DNAH5: variants seen among roughly 807,000 people sequenced by gnomAD.
DNAH5 encodes the protein axonemal beta dynein heavy chain 5.
A neutral mutation model predicts 518.2 loss-of-function variants in DNAH5; 372 were observed. The ratio of observed to expected loss-of-function variants is 0.72; its 90% confidence interval spans 0.66 to 0.78. DNAH5 has a LOEUF of 0.78. Among genes scored for constraint, DNAH5 ranks in the 30% least tolerant of loss-of-function variants. DNAH5 has a pLI of 0.00. For synonymous variants in DNAH5, 2,039 were observed against 2,025.9 expected (o/e 1.01, Z -0.17); for missense variants, 5,523 against 5,687.0 (o/e 0.97, Z 0.93).
chr5:13,729,580 A>T lies in DNAH5; in HGVS notation c.11762-20T>A, dbSNP rs746071988. 21 of 1,595,516 alleles carry T rather than the reference A, an allele frequency of 1.3e-5. No homozygotes were observed. The highest frequency in any genetic ancestry group is 1.8e-5 in the Non-Finnish European group (21 of 1,168,072). On this transcript the variant is annotated intron_variant, in intron 68 of 78. Coordinates refer to ENST00000265104, the MANE Select transcript of DNAH5 (RefSeq NM_001369.3). Reference sequence around the variant, plus strand: ...CACCTCCTTTAAAATTAAATATTAAATTATCAGATTTCCCTTCCTTCACTA... The same window carrying T: ...CACCTCCTTTAAAATTAAATATTAATTTATCAGATTTCCCTTCCTTCACTA...
At chr5:13,889,886 G>A (rs755430582) in intron 17 of DNAH5, among the ~76,000 whole-genome samples, 10 of 152,118 alleles carry the variant, frequency 6.6e-5, no homozygotes, top group Admixed American at 1.3e-4. Context: ...GCTGAGTTCC[G>A]TGAGTCCTCC....
intron 1 of DNAH5, among the ~76,000 whole-genome samples, chr5:13,940,527 C>A (rs918078195): frequency 6.6e-6 from 1 of 152,132 alleles, no homozygotes; most frequent in African/African-American, 2.4e-5. Context: ...TCATTGGAAT[C>A]ATTGGAGAGC....
intron 1 of DNAH5, among the ~76,000 whole-genome samples, chr5:13,937,482 A>G (rs1779034568): frequency 6.6e-6 from 1 of 151,550 alleles, no homozygotes; most frequent in African/African-American, 2.4e-5. Context: ...TCTACTCCTG[A>G]AAGTGTCTCG....
intron 78 of DNAH5, among the ~76,000 whole-genome samples, chr5:13,692,908 C>A (rs553275506): frequency 3.9e-5 from 6 of 152,124 alleles, no homozygotes; most frequent in Non-Finnish European, 8.8e-5. Context: ...TAAACTTATA[C>A]AATTCATGAG....
At chr5:13,721,366 A>T in intron 70 of DNAH5, 121 bp from the exon 71 acceptor site, 2 of 1,167,648 alleles carry the variant, frequency 1.7e-6, no homozygotes, top group Non-Finnish European at 2.5e-6. Context: ...TAACCCTGTC[A>T]GGCAAACAGG....
Position 13,931,132 on chromosome 5 carries a change from T to C in DNAH5, c.170A>G (p.Asp57Gly), listed in dbSNP as rs1047218300. Residue 57 changes from aspartate to glycine, a missense_variant, in exon 2 of 79, where the codon GAT becomes GGT. By Grantham distance (94) the Asp-to-Gly change is moderately conservative. Coordinates refer to ENST00000265104, the MANE Select transcript of DNAH5 (RefSeq NM_001369.3). ...CLDLNKTEVE[D>G]AILEGNQIER... ...CACCTGATTCCCTTCAAGAATGGCA[T>C]CCTCCACTTCGGTTTTGTTCAGGTC... is the stretch of plus-strand genomic sequence containing the variant. 1.4e-5 allele frequency: 22 copies of C among 1,613,988 alleles called. No individual in the cohort carries two copies. Among genetic ancestry groups the C allele is most frequent in the Non-Finnish European group, 1.8e-5 (21 of 1,179,978 alleles).
At chr5:13,844,633 T>A (rs898730876) in intron 32 of DNAH5, among the ~76,000 whole-genome samples, 15 of 149,748 alleles carry the variant, frequency 1.0e-4, no homozygotes, top group Middle Eastern at 3.2e-3. Flanking sequence ...GCATTTTTTT[T>A]AATTTGAATC....
chr5:14,005,418 T>C (rs141328203), intron 1 of DNAH5, among the ~76,000 whole-genome samples: 17 of 152,282 alleles, frequency 1.1e-4, no homozygotes, highest in African/African-American at 4.1e-4. Context: ...CTCATTATCC[T>C]CAACATCACA....
In DNAH5 at chr5:13,717,527, T is replaced by C; in HGVS notation, c.12500-7A>G. On this transcript the variant is annotated splice_region_variant and splice_polypyrimidine_tract_variant and intron_variant, in intron 72 of 78. Coordinates refer to ENST00000265104, the MANE Select transcript of DNAH5 (RefSeq NM_001369.3). The stretch of plus-strand genomic sequence containing the variant: ...AGCAGGTCTTGGCTGACACCTGTTG[T>C]GGTCAGTTGGGTGAAAAATGTATCA... 6.2e-7 allele frequency: 1 copy of C among 1,612,698 alleles called. No individual in the cohort carries two copies. The highest frequency in any genetic ancestry group is 8.5e-7 in the Non-Finnish European group (1 of 1,178,756).
chr5:13,988,682 A>G (rs1417811332), intron 1 of DNAH5, among the ~76,000 whole-genome samples: 1 of 150,320 alleles, frequency 6.7e-6, no homozygotes, highest in African/African-American at 2.4e-5. Flanking sequence ...TCAGCCTCCC[A>G]AAGTGCTGGG....
At chr5:13,957,826 T>C (rs1021556147) in intron 1 of DNAH5, among the ~76,000 whole-genome samples, 23 of 151,658 alleles carry the variant, frequency 1.5e-4, no homozygotes, top group African/African-American at 5.1e-4. Context: ...AAATATACTT[T>C]ATTATTATGA....
At chr5:13,721,693 A>G (rs938622897) in intron 70 of DNAH5, among the ~76,000 whole-genome samples, 1 of 152,224 alleles carries the variant, frequency 6.6e-6, no homozygotes, top group African/African-American at 2.4e-5. Flanking sequence ...TATATTGGAT[A>G]TTTGTTGAAT....
At chr5:13,919,454 G>A in intron 6 of DNAH5, 102 bp from the exon 7 acceptor site, 1 of 1,412,712 alleles carries the variant, frequency 7.1e-7, no homozygotes, top group South Asian at 1.2e-5. Flanking sequence ...ATCCTATCTG[G>A]ATCATGATAT....
chr5:13,697,312 A>G (rs1418676054), intron 78 of DNAH5, among the ~76,000 whole-genome samples: 2 of 152,238 alleles, frequency 1.3e-5, no homozygotes, highest in Non-Finnish European at 2.9e-5. Flanking sequence ...GCCTAAGCCC[A>G]GGTAGACACA....
At chr5:13,882,442 A>G (rs946162348) in intron 21 of DNAH5, among the ~76,000 whole-genome samples, 6 of 152,178 alleles carry the variant, frequency 3.9e-5, no homozygotes, top group African/African-American at 7.2e-5. Flanking sequence ...TATATTCAAC[A>G]GTGCATTAAA....
At chr5:13,893,430 G>A (rs1309668626) in intron 16 of DNAH5, among the ~76,000 whole-genome samples, 1 of 152,102 alleles carries the variant, frequency 6.6e-6, no homozygotes, top group Non-Finnish European at 1.5e-5. Context: ...CAAGTATATG[G>A]ATGTCTCCTA....
At chr5:13,729,358 T>C in intron 69 of DNAH5, 81 bp downstream of exon 69, 1 of 1,573,604 alleles carries the variant, frequency 6.4e-7, no homozygotes, top group Admixed American at 1.7e-5. Context: ...ACTATCTCTC[T>C]TCCACAAATA....
In DNAH5 at chr5:13,902,110, G is replaced by A. The variant is rs1056112557; in HGVS notation, c.1673C>T (p.Thr558Ile). 1.9e-6 allele frequency: 3 copies of A among 1,609,488 alleles called. No homozygotes were observed. The highest frequency in any genetic ancestry group is 1.3e-5 in the African/African-American group (1 of 74,888). ...HNELRKFMDV[T>I]FAKIQNTNQA... Reference sequence around the variant, plus strand: ...ATTTGTGTTTTGAATCTTTGCAAATGTAACATCCATGAACTTCCGCAACTC... The same window carrying A: ...ATTTGTGTTTTGAATCTTTGCAAATATAACATCCATGAACTTCCGCAACTC... The change falls in exon 13 of 79, where the codon ACA becomes ATA. Residue 558 changes from threonine (T) to isoleucine (I), a missense_variant. By Grantham distance (89) the Thr-to-Ile change is moderately conservative. This residue lies in a region of DNAH5 where 5,121 missense variants were observed against 5,223.3 expected (regional missense o/e 0.98). Coordinates refer to ENST00000265104, the MANE Select transcript of DNAH5 (RefSeq NM_001369.3).
intron 66 of DNAH5, among the ~76,000 whole-genome samples, chr5:13,736,608 T>A (rs978175905): frequency 6.6e-6 from 1 of 152,048 alleles, no homozygotes; most frequent in Non-Finnish European, 1.5e-5. Context: ...TTCACCATGT[T>A]ATCCAGGCTG....
Sources: gnomAD v4.1 joint callset for allele counts (sites outside exome capture counted in the v4.1 genomes callset) on GRCh38, gnomAD v4.1.1 for gene constraint, gnomAD v4.1.1 regional missense constraint, MANE v1.5 for transcripts, NCBI Gene and HGNC (gene_info 2026-07-23, HGNC 2026-07-21) for gene names.